The following LRIG1 variants were observed in gnomAD, a reference collection of about 807,000 sequenced individuals.
LRIG1 encodes leucine-rich repeats and immunoglobulin-like domains protein 1.
A neutral mutation model predicts 99.2 loss-of-function variants in LRIG1; 48 were observed. That is an observed-to-expected ratio of 0.48 (90% CI 0.38 to 0.62). The LOEUF (loss-of-function observed/expected upper bound fraction) is 0.62. Ranked by LOEUF, LRIG1 falls within the 20% of genes least tolerant of loss-of-function variation. The pLI is 0.00. For missense variants in LRIG1, 1,646 were observed against 1,434.4 expected, an observed-to-expected ratio of 1.15 and a Z score of -2.38; for synonymous variants, 772 against 596.1, an observed-to-expected ratio of 1.29 and a Z score of -4.30.
At chr3:66,456,855 G>T (rs897797874) in intron 2 of LRIG1, among the ~76,000 whole-genome samples, 1 of 152,154 alleles carries the variant, frequency 6.6e-6, no homozygotes, top group African/African-American at 2.4e-5. Flanking sequence ...GCAGTACTGT[G>T]ATCTGAAGGC....
At chr3:66,488,015 AAAAAT>A (rs1701013671) in intron 1 of LRIG1, among the ~76,000 whole-genome samples, 9 of 149,824 alleles carry the variant, frequency 6.0e-5, no homozygotes, top group Admixed American at 6.0e-4. Context: ...TAATAAAAAT[AAAAAT>A]AAATTTTAAA....
chr3:66,462,942 G>A (rs1225049823), intron 1 of LRIG1, among the ~76,000 whole-genome samples: 3 of 152,088 alleles, frequency 2.0e-5, no homozygotes, highest in Non-Finnish European at 4.4e-5. Context: ...CCCCTTCATT[G>A]TCTAAACCAG....
chr3:66,379,836 A>C lies in LRIG1; in HGVS notation c.*427T>G, dbSNP rs1284537605. 6.1e-6 allele frequency: 1 copy of C among 165,144 alleles called. No homozygotes were observed. The highest frequency in any genetic ancestry group is 1.3e-5 in the Non-Finnish European group (1 of 75,772). The allele number at this position is 165,144 out of a possible 1,614,324, so 10.2% of individuals were successfully genotyped here. On this transcript the variant is annotated 3_prime_UTR_variant, in exon 19 of 19. Coordinates refer to ENST00000273261, the MANE Select transcript of LRIG1 (RefSeq NM_015541.3). ...TCCATCCTTCCCACCCCGCACCAAAAACTCCTGTGAACAAATGTGGTTGTA... is the reference window on the plus strand; with the variant it reads ...TCCATCCTTCCCACCCCGCACCAAACACTCCTGTGAACAAATGTGGTTGTA...
At chr3:66,452,081 T>C (rs1703923488) in intron 2 of LRIG1, among the ~76,000 whole-genome samples, 1 of 152,196 alleles carries the variant, frequency 6.6e-6, no homozygotes, top group African/African-American at 2.4e-5. Flanking sequence ...CTGAGGGGCT[T>C]GGGACACATG....
Position 66,380,749 on chromosome 3 carries a change from C to G in LRIG1, c.2883G>C (p.Ala961=), listed in dbSNP as rs754242325. Residue 961 remains alanine, a synonymous_variant, in exon 18 of 19, where the codon GCG becomes GCC. Transcript: ENST00000273261. ...TCCCACCCGGCTCCGGGCCATTTGG[C>G]GCACTTGGCTGTGCGCTGTCTCTGG... ...PVSRDSAQPS[A]PNGPEPGGSD... 35 of 1,614,196 alleles carry G rather than the reference C, an allele frequency of 2.2e-5. No homozygotes were observed. In the South Asian group the frequency reaches 3.7e-4, roughly 17 times the overall value.
chr3:66,457,505 A>T lies in LRIG1; in HGVS notation c.290+4933T>A, dbSNP rs559552393. On this transcript the variant is annotated intron_variant, in intron 2 of 18. Transcript: ENST00000273261. ...GCAAAGATTCATTTCTAAACAATGC[A>T]CCCAGCTTGGAGGGCTGGGCAGTTC... is the stretch of plus-strand genomic sequence containing the variant. Among the ~76,000 whole-genome samples, 36 of 152,286 alleles carry T rather than the reference A, an allele frequency of 2.4e-4. 1 individual carries two copies. The South Asian group carries it at 7.3e-3, about 31-fold the overall frequency.
chr3:66,407,588 G>A, intron 7 of LRIG1, 97 bp from the exon 8 acceptor site: 1 of 1,414,310 alleles, frequency 7.1e-7, no homozygotes, highest in African/African-American at 1.4e-5. Flanking sequence ...GGTTTCAGTG[G>A]GAAATGACAC....
chr3:66,449,603 T>G (rs1244835946), intron 3 of LRIG1, among the ~76,000 whole-genome samples: 1 of 152,182 alleles, frequency 6.6e-6, no homozygotes, highest in African/African-American at 2.4e-5. Context: ...TGGGGCAAAC[T>G]GGGGGCCCTG....
intron 9 of LRIG1, chr3:66,404,387 G>T: frequency 7.9e-7 from 1 of 1,261,334 alleles, no homozygotes; most frequent in Non-Finnish European, 1.0e-6. Flanking sequence ...TCTTCCCTCC[G>T]AGCTGCTAGT....
chr3:66,500,571 G>T lies in LRIG1; in HGVS notation c.-164C>A, dbSNP rs946766379. 2 of 382,810 alleles carry T rather than the reference G, an allele frequency of 5.2e-6. No individual in the cohort carries two copies. The highest frequency in any genetic ancestry group is 9.1e-6 in the Non-Finnish European group (2 of 220,870). The allele number at this position is 382,810 out of a possible 1,614,324, so 23.7% of individuals were successfully genotyped here. Reference sequence around the variant, plus strand: ...TGCGGCCGCGGCTCCGGCACTCAGCGTGCCCCCGGTGCCCGGGCCGCTCCG... The same window carrying T: ...TGCGGCCGCGGCTCCGGCACTCAGCTTGCCCCCGGTGCCCGGGCCGCTCCG... On this transcript the variant is annotated 5_prime_UTR_variant, in exon 1 of 19. Coordinates refer to ENST00000273261, the MANE Select transcript of LRIG1 (RefSeq NM_015541.3).
intron 3 of LRIG1, among the ~76,000 whole-genome samples, chr3:66,449,951 G>A (rs940917425): frequency 1.3e-5 from 2 of 152,188 alleles, no homozygotes; most frequent in South Asian, 2.1e-4. Flanking sequence ...TAACAAGCTC[G>A]AAGCTAACTC....
At chr3:66,484,917 G>C (rs898115921) in intron 1 of LRIG1, among the ~76,000 whole-genome samples, 2 of 152,142 alleles carry the variant, frequency 1.3e-5, no homozygotes, top group Non-Finnish European at 2.9e-5. Flanking sequence ...CATTTTGGGA[G>C]GCCGAGGCCA....
intron 1 of LRIG1, chr3:66,469,350 T>C (rs1296267525): frequency 6.6e-6 from 1 of 152,226 alleles, no homozygotes; most frequent in Non-Finnish European, 1.5e-5. Flanking sequence ...AAATTTTACA[T>C]AGACCATTAT....
At chr3:66,414,719 T>C (rs571346850) in intron 5 of LRIG1, among the ~76,000 whole-genome samples, 31 of 152,346 alleles carry the variant, frequency 2.0e-4, no homozygotes, top group Admixed American at 1.4e-3. Flanking sequence ...AGTGGATGTC[T>C]TTCTCAGCAA....
chr3:66,479,462 G>C (rs1029390532), intron 1 of LRIG1, among the ~76,000 whole-genome samples: 2 of 152,186 alleles, frequency 1.3e-5, no homozygotes, highest in Non-Finnish European at 2.9e-5. Context: ...TCTACCTGTA[G>C]ATCTTCAAAG....
chr3:66,475,817 A>T (rs940383957), intron 1 of LRIG1, among the ~76,000 whole-genome samples: 5 of 152,234 alleles, frequency 3.3e-5, no homozygotes, highest in African/African-American at 1.2e-4. Flanking sequence ...GCATGAGACA[A>T]ATGGTAGGCC....
chr3:66,431,574 T>C lies in LRIG1; in HGVS notation c.366-14308A>G, dbSNP rs55637453. ...CACTTCACACAGCAAGGACCTCCTCTGCCCAAGTTCCACAGGGACTGGTCA... is the reference window on the plus strand; with the variant it reads ...CACTTCACACAGCAAGGACCTCCTCCGCCCAAGTTCCACAGGGACTGGTCA... On this transcript the variant is annotated intron_variant, in intron 3 of 18. Coordinates refer to ENST00000273261, the MANE Select transcript of LRIG1 (RefSeq NM_015541.3). Among the ~76,000 whole-genome samples the C allele has an allele frequency of 9.8e-3, 1,498 of 152,304 alleles. 29 individuals carry two copies. The highest frequency in any genetic ancestry group is 0.034 in the African/African-American group (1,427 of 41,566).
chr3:66,466,912 T>G (rs537862283), intron 1 of LRIG1, among the ~76,000 whole-genome samples: 1 of 152,362 alleles, frequency 6.6e-6, no homozygotes, highest in East Asian at 1.9e-4. Context: ...ATTGCAGCTT[T>G]AATTAAACAT....
At chr3:66,456,272 C>G (rs962263165) in intron 2 of LRIG1, among the ~76,000 whole-genome samples, 1 of 152,168 alleles carries the variant, frequency 6.6e-6, no homozygotes, top group Non-Finnish European at 1.5e-5. Context: ...TTGACAGATA[C>G]ACAGGATATG....
Sources: allele counts gnomAD v4.1 joint callset (sites outside exome capture counted in the v4.1 genomes callset), GRCh38; gene constraint gnomAD v4.1.1; transcripts MANE v1.5; gene names NCBI Gene and HGNC (gene_info 2026-07-23, HGNC 2026-07-21).